LYPLA2: variants seen among roughly 807,000 people sequenced by gnomAD.
The protein encoded by LYPLA2 is lysophospholipase 2.
LYPLA2 carries 7 observed loss-of-function variants against 30.3 expected under a neutral mutation model. The ratio of observed to expected loss-of-function variants is 0.23; its 90% CI spans 0.13 to 0.43. The LOEUF (loss-of-function observed/expected upper bound fraction) is 0.43. Ranked by LOEUF, LYPLA2 falls within the 20% of genes least tolerant of loss-of-function variation. LYPLA2 has a pLI of 1.00. For synonymous variants in LYPLA2, 112 were observed against 118.2 expected (o/e 0.95, Z 0.34); for missense variants, 206 against 307.9 (o/e 0.67, Z 2.48).
Position 23,794,816 on chromosome 1 carries a change from G to C in LYPLA2, c.*84G>C. ...GCACCATCTTGGATCTGAGCCGGTCGAGCCCCTGTCCCCACCCTTCCTGAC... is the reference window on the plus strand; with the variant it reads ...GCACCATCTTGGATCTGAGCCGGTCCAGCCCCTGTCCCCACCCTTCCTGAC... On this transcript the variant is annotated 3_prime_UTR_variant, in exon 10 of 10. Transcript: ENST00000374514. The surrounding 1 kb of genome is among the most constrained non-coding windows in gnomAD (Gnocchi z 5.9). The C allele has an allele frequency of 6.7e-7, 1 of 1,496,230 alleles. No individual in the cohort carries two copies. 92.7% of individuals were successfully genotyped at this position (1,496,230 alleles called of 1,614,324 possible). A position where few individuals can be genotyped will look rare whatever the true frequency, so the allele number is the denominator to read the frequency against.
chr1:23,791,276 TG>T (rs1638785856), intron 1 of LYPLA2, 26 bp downstream of exon 1: 1 of 96,228 alleles, frequency 1.0e-5, no homozygotes, highest in Non-Finnish European at 2.1e-5. Context: ...CTGCGGAGGA[TG>T]GGCGTGTAGG....
intron 1 of LYPLA2, among the ~76,000 whole-genome samples, chr1:23,792,200 G>A (rs1638807936): frequency 6.6e-6 from 1 of 151,976 alleles, no homozygotes; most frequent in African/African-American, 2.4e-5. Flanking sequence ...CACTGAGTAG[G>A]GGATGGAAGC....
chr1:23,792,969 G>T lies in LYPLA2; in HGVS notation c.79-39G>T, dbSNP rs766716526. The T allele has an allele frequency of 2.5e-5, 40 of 1,598,516 alleles. 2 individuals are homozygous for T. In the South Asian group the frequency reaches 4.0e-4, roughly 16 times the overall value. On this transcript the variant is annotated intron_variant, in intron 2 of 9. Transcript: ENST00000374514. ...GTGGGCAGAAGTTGGAGGACCTAGG[G>T]GAAGCCTTCCTGTCTCCCCATTTCC...
In LYPLA2 at chr1:23,793,578, C is replaced by T; in HGVS notation, c.177-127C>T. 4 of 962,988 alleles carry T rather than the reference C, an allele frequency of 4.2e-6. No individual in the cohort carries two copies. Among genetic ancestry groups the T allele is most frequent in the Non-Finnish European group, 6.6e-6 (4 of 604,892 alleles). 59.7% of individuals were successfully genotyped at this position (962,988 alleles called of 1,614,324 possible). On this transcript the variant is annotated intron_variant, in intron 4 of 9. Coordinates refer to ENST00000374514, the MANE Select transcript of LYPLA2 (RefSeq NM_007260.3). This position sits in a 1 kb window ranked among gnomAD's most constrained non-coding sequence, Gnocchi z 6.0. ...CCCCACGTGGCAGGTTGCCTGGCAACACCTTAAACACAGGCCCTGCCTGCT... is the reference window on the plus strand; with the variant it reads ...CCCCACGTGGCAGGTTGCCTGGCAATACCTTAAACACAGGCCCTGCCTGCT...
At position 23,793,429 on chromosome 1, in the gene LYPLA2, C is replaced by G. The variant is rs973078362; in HGVS notation, c.176+213C>G. Among the ~76,000 whole-genome samples, 7 of 152,168 alleles carry G rather than the reference C, an allele frequency of 4.6e-5. No homozygotes were observed. Among genetic ancestry groups the G allele is most frequent in the Non-Finnish European group, 8.8e-5 (6 of 68,002 alleles). ...CTAGGGCCTCCTAGACCTGAGCTCT[C>G]CTAGAACCCACACCTCCCTTTGCCC... On this transcript the variant is annotated intron_variant, in intron 4 of 9. Transcript: ENST00000374514. This position sits in a 1 kb window ranked among gnomAD's most constrained non-coding sequence, Gnocchi z 6.0.
rs1175290952 is a variant in LYPLA2, at chr1:23,794,991, G to A, written c.*259G>A. 7 of 673,700 alleles carry A rather than the reference G, an allele frequency of 1.0e-5. No individual in the cohort carries two copies. The East Asian group carries it at 1.7e-4, about 16-fold the overall frequency. The allele number at this position is 673,700 out of a possible 1,614,324, so 41.7% of individuals were successfully genotyped here. ...GGCGGGCCCCCCTGGCAGCAGTATT[G>A]GAGGGGCTACAGGCAGCTGGAGAAA... On this transcript the variant is annotated 3_prime_UTR_variant, in exon 10 of 10. Transcript: ENST00000374514. This position sits in a 1 kb window ranked among gnomAD's most constrained non-coding sequence, Gnocchi z 5.9.
At position 23,793,699 on chromosome 1, in the gene LYPLA2, C is replaced by T. The variant is rs1483582700; in HGVS notation, c.177-6C>T. 4 of 1,613,882 alleles carry T rather than the reference C, an allele frequency of 2.5e-6. No individual in the cohort carries two copies. Among genetic ancestry groups the T allele is most frequent in the Non-Finnish European group, 3.4e-6 (4 of 1,179,878 alleles). ...CATGATGGGCCCTCTGGCTCTCTTT[C>T]CCCAGGCCTAGGATCCCTGTGACCC... On this transcript the variant is annotated splice_polypyrimidine_tract_variant and splice_region_variant and intron_variant, in intron 4 of 9. Transcript: ENST00000374514. The surrounding 1 kb of genome is among the most constrained non-coding windows in gnomAD (Gnocchi z 6.0).
In LYPLA2 at chr1:23,795,233, T is replaced by G; in HGVS notation, c.*501T>G. ...TCCCCTTGCTGCTGTGGGCTCCCTG[T>G]CCCTGGGCAGGAGTGCTGGTGAGGA... On this transcript the variant is annotated 3_prime_UTR_variant, in exon 10 of 10. Transcript: ENST00000374514. The G allele has an allele frequency of 3.5e-6, 1 of 286,280 alleles. No individual in the cohort carries two copies. The highest frequency in any genetic ancestry group is 7.0e-6 in the Non-Finnish European group (1 of 143,720). 17.7% of individuals were successfully genotyped at this position (286,280 alleles called of 1,614,324 possible).
At position 23,792,893 on chromosome 1, in the gene LYPLA2, C is replaced by A. The variant is rs2232979; in HGVS notation, c.79-115C>A. ...GAGGCCAGCAGGCTCGGGGTAGTAA[C>A]CTGTTTGGCTGCTACCTGGGTTCCC... On this transcript the variant is annotated intron_variant, in intron 2 of 9. Coordinates refer to ENST00000374514, the MANE Select transcript of LYPLA2 (RefSeq NM_007260.3). The A allele has an allele frequency of 2.4e-3, 3,308 of 1,358,294 alleles. 58 individuals are homozygous for A. The African/African-American group carries it at 0.041, about 17-fold the overall frequency. 84.1% of individuals were successfully genotyped at this position (1,358,294 alleles called of 1,614,324 possible). A position where few individuals can be genotyped will look rare whatever the true frequency, so the allele number is the denominator to read the frequency against.
Position 23,793,694 on chromosome 1 carries a change from T to C in LYPLA2, c.177-11T>C, listed in dbSNP as rs1398493432. The C allele has an allele frequency of 1.2e-6, 2 of 1,613,986 alleles. No homozygotes were observed. The highest frequency in any genetic ancestry group is 8.5e-7 in the Non-Finnish European group (1 of 1,179,882). On this transcript the variant is annotated splice_polypyrimidine_tract_variant and intron_variant, in intron 4 of 9. Coordinates refer to ENST00000374514, the MANE Select transcript of LYPLA2 (RefSeq NM_007260.3). The surrounding 1 kb of genome is among the most constrained non-coding windows in gnomAD (Gnocchi z 6.0). ...CTGAGCATGATGGGCCCTCTGGCTC[T>C]CTTTCCCCAGGCCTAGGATCCCTGT...
Position 23,793,963 on chromosome 1 carries a change from T to G in LYPLA2, c.295+33T>G. ...CCCAGCCCCTCCTCCACATCCTCCT[T>G]CCCCTGCCCCCCAGGAAAGCGCTGG... On this transcript the variant is annotated intron_variant, in intron 6 of 9. Coordinates refer to ENST00000374514, the MANE Select transcript of LYPLA2 (RefSeq NM_007260.3). This position sits in a 1 kb window ranked among gnomAD's most constrained non-coding sequence, Gnocchi z 6.0. 6.2e-7 allele frequency: 1 copy of G among 1,602,208 alleles called. No homozygotes were observed. The highest frequency in any genetic ancestry group is 8.6e-7 in the Non-Finnish European group (1 of 1,169,310).
chr1:23,793,756 A>G lies in LYPLA2; in HGVS notation c.224+4A>G. On this transcript the variant is annotated splice_donor_region_variant and intron_variant, in intron 5 of 9. Transcript: ENST00000374514. This position sits in a 1 kb window ranked among gnomAD's most constrained non-coding sequence, Gnocchi z 6.0. ...TGAAGATGGTGATGCCCTCCTGGTG[A>G]GTTTGGGAGTGGGGGTGGGCAGGGG... 6.2e-7 allele frequency: 1 copy of G among 1,613,248 alleles called. No homozygotes were observed. The highest frequency in any genetic ancestry group is 8.5e-7 in the Non-Finnish European group (1 of 1,179,652).
Position 23,794,873 on chromosome 1 carries a change from G to A in LYPLA2, c.*141G>A, listed in dbSNP as rs1638897736. The A allele has an allele frequency of 2.0e-6, 2 of 1,011,812 alleles. No homozygotes were observed. Among genetic ancestry groups the A allele is most frequent in the Middle Eastern group, 2.7e-4 (1 of 3,674 alleles). The allele number at this position is 1,011,812 out of a possible 1,614,324, so 62.7% of individuals were successfully genotyped here. ...TTTTCCCACAGGCCTCTGGGGGCAG[G>A]TGGCAAGGCCTGGCCGGGCCTTCCT... On this transcript the variant is annotated 3_prime_UTR_variant, in exon 10 of 10. Coordinates refer to ENST00000374514, the MANE Select transcript of LYPLA2 (RefSeq NM_007260.3). The surrounding 1 kb of genome is among the most constrained non-coding windows in gnomAD (Gnocchi z 5.9).
chr1:23,793,730 A>G lies in LYPLA2; in HGVS notation c.202A>G (p.Met68Val). 6.2e-7 allele frequency: 1 copy of G among 1,613,934 alleles called. No individual in the cohort carries two copies. The highest frequency in any genetic ancestry group is 8.5e-7 in the Non-Finnish European group (1 of 1,179,922). ...HAPRIPVTLNMKMVMPSWFDL... is the reference protein window; with the variant it reads ...HAPRIPVTLNVKMVMPSWFDL... ...GCCTAGGATCCCTGTGACCCTCAAC[A>G]TGAAGATGGTGATGCCCTCCTGGTG... is the stretch of plus-strand genomic sequence containing the variant. The change falls in exon 5 of 10, where the codon ATG becomes GTG. Residue 68 changes from methionine (M) to valine (V), a missense_variant. Coordinates refer to ENST00000374514, the MANE Select transcript of LYPLA2 (RefSeq NM_007260.3). This position sits in a 1 kb window ranked among gnomAD's most constrained non-coding sequence, Gnocchi z 6.0.
chr1:23,792,443 CAT>C (rs1224953313), intron 1 of LYPLA2: 1 of 552,036 alleles, frequency 1.8e-6, no homozygotes. Flanking sequence ...ACCAGAGACA[CAT>C]GTTCTGGGCC....
intron 2 of LYPLA2, 65 bp downstream of exon 2, chr1:23,792,825 G>A: frequency 6.8e-7 from 1 of 1,476,058 alleles, no homozygotes; most frequent in Non-Finnish European, 9.5e-7. Context: ...GCTGGAGGGG[G>A]TGTGGGAAAA....
At chr1:23,791,648 G>T (rs1365451295) in intron 1 of LYPLA2, among the ~76,000 whole-genome samples, 5 of 152,036 alleles carry the variant, frequency 3.3e-5, no homozygotes, top group African/African-American at 1.2e-4. Context: ...AAGGTGTATA[G>T]AGAGAGACAG....
chr1:23,791,213 A>G lies in LYPLA2; in HGVS notation c.-64A>G, dbSNP rs1397461990. On this transcript the variant is annotated 5_prime_UTR_variant, in exon 1 of 10. Transcript: ENST00000374514. ...AGTGTGTCTGCGGGAGAAAGAGGAG[A>G]ATCGCCCAAGCGGCCTCGGAAGTCC... 2 of 152,040 alleles carry G rather than the reference A, an allele frequency of 1.3e-5. No individual in the cohort carries two copies. Among genetic ancestry groups the G allele is most frequent in the African/African-American group, 4.9e-5 (2 of 41,126 alleles). The allele number at this position is 152,040 out of a possible 1,614,324, so 9.4% of individuals were successfully genotyped here.
At position 23,793,899 on chromosome 1, in the gene LYPLA2, C is replaced by T. The variant is rs149275426; in HGVS notation, c.264C>T (p.Asp88=). 49 of 1,613,950 alleles carry T rather than the reference C, an allele frequency of 3.0e-5. No individual in the cohort carries two copies. The African/African-American group carries it at 3.5e-4, about 11-fold the overall frequency. ...LMGLSPDAPE[D]EAGIKKAAEN... ...GGCTGAGTCCAGATGCCCCAGAGGA[C>T]GAGGCTGGCATCAAGAAGGCAGCAG... The change falls in exon 6 of 10, where the codon GAC becomes GAT. Residue 88 remains aspartate (D), a synonymous_variant. Transcript: ENST00000374514. The surrounding 1 kb of genome is among the most constrained non-coding windows in gnomAD (Gnocchi z 6.0).
Sources: gnomAD v4.1 joint callset for allele counts (sites outside exome capture counted in the v4.1 genomes callset) on GRCh38, gnomAD v4.1.1 for gene constraint, Gnocchi (gnomAD v3.1) non-coding constraint, MANE v1.5 for transcripts, NCBI Gene and HGNC (gene_info 2026-07-23, HGNC 2026-07-21) for gene names.